The following RASSF8 variants were observed in gnomAD, a reference collection of about 807,000 sequenced individuals.
RASSF8 encodes ras association domain-containing protein 8.
RASSF8 carries 22 observed loss-of-function variants against 48.5 expected under a neutral mutation model. The ratio of observed to expected loss-of-function variants is 0.45; its 90% confidence interval spans 0.32 to 0.65. RASSF8 has a LOEUF of 0.65. RASSF8 is among the 30% of genes least tolerant of loss of function. RASSF8 has a pLI of 0.03. For synonymous variants in RASSF8, 127 were observed against 171.5 expected (o/e 0.74, Z 2.03); for missense variants, 418 against 489.2 (o/e 0.85, Z 1.37).
chr12:25,960,484 A>G (rs1941204634), intron 1 of RASSF8, among the ~76,000 whole-genome samples: 2 of 152,222 alleles, frequency 1.3e-5, no homozygotes, highest in Admixed American at 6.5e-5. Flanking sequence ...GGGCATACTA[A>G]TGGTACTTTT....
At chr12:26,068,394 T>A (rs1943927849) in intron 5 of RASSF8, among the ~76,000 whole-genome samples, 1 of 152,172 alleles carries the variant, frequency 6.6e-6, no homozygotes, top group African/African-American at 2.4e-5. Flanking sequence ...TTATTATTAA[T>A]TTGTGCTGAT....
Position 25,958,879 on chromosome 12 carries a change from C to G in RASSF8, c.-472C>G, listed in dbSNP as rs1440213145. ...GGCGGCTCCCGCGGCGTCTCTGCCGCTGGCCGAGCGCTCGCGCACCGCGGC... is the reference window on the plus strand; with the variant it reads ...GGCGGCTCCCGCGGCGTCTCTGCCGGTGGCCGAGCGCTCGCGCACCGCGGC... On this transcript the variant is annotated 5_prime_UTR_variant, in exon 1 of 6. Transcript: ENST00000689635. 1 of 147,114 alleles carries G rather than the reference C, an allele frequency of 6.8e-6. No homozygotes were observed. The highest frequency in any genetic ancestry group is 1.5e-5 in the Non-Finnish European group (1 of 66,030). 9.1% of individuals were successfully genotyped at this position (147,114 alleles called of 1,614,324 possible).
chr12:26,027,824 C>T (rs529766483), intron 2 of RASSF8, among the ~76,000 whole-genome samples: 16 of 152,282 alleles, frequency 1.1e-4, no homozygotes, highest in African/African-American at 3.9e-4. Context: ...GCATAGAGGA[C>T]TGAGCCAGAA....
chr12:25,993,416 C>T (rs1342322476), intron 1 of RASSF8, among the ~76,000 whole-genome samples: 1 of 152,038 alleles, frequency 6.6e-6, no homozygotes, highest in Admixed American at 6.6e-5. Context: ...CTTGAAAACA[C>T]AACTAAAAAG....
intron 3 of RASSF8, among the ~76,000 whole-genome samples, chr12:26,056,757 C>T (rs951095418): frequency 3.9e-5 from 6 of 152,222 alleles, no homozygotes; most frequent in Non-Finnish European, 7.3e-5. Flanking sequence ...TGGGCTTTCA[C>T]ATCCGGTGAA....
At chr12:26,006,671 A>G (rs1224890193) in intron 2 of RASSF8, among the ~76,000 whole-genome samples, 1 of 152,108 alleles carries the variant, frequency 6.6e-6, no homozygotes. Flanking sequence ...AGTTTAAACC[A>G]TTGCTGTTCC....
At chr12:26,012,470 C>T (rs1942549474) in intron 2 of RASSF8, among the ~76,000 whole-genome samples, 1 of 152,058 alleles carries the variant, frequency 6.6e-6, no homozygotes, top group Admixed American at 6.6e-5. Context: ...TAAACAGCTT[C>T]CTGTGTTTCT....
In RASSF8 at chr12:26,070,033, T is replaced by TG; in HGVS notation, c.*1215_*1216insG. The TG allele has an allele frequency of 1.0e-6, 1 of 982,444 alleles. No homozygotes were observed. The highest frequency in any genetic ancestry group is 1.2e-6 in the Non-Finnish European group (1 of 827,158). The allele number at this position is 982,444 out of a possible 1,614,324, so 60.9% of individuals were successfully genotyped here. A position where few individuals can be genotyped will look rare whatever the true frequency, so the allele number is the denominator to read the frequency against. On this transcript the variant is annotated 3_prime_UTR_variant, in exon 6 of 6. Transcript: ENST00000689635. ...CAACACCTTTTTGATGAGTAGTGAC[T>TG]TAACTAAGATTTACAAGTAATATTT...
At position 26,069,015 on chromosome 12, in the gene RASSF8, A is replaced by G; in HGVS notation, c.*197A>G. ...CAAAGAAACTGTGTTTTCACACATC[A>G]ACAGTGTTGATATTTTTGTCCAGCA... On this transcript the variant is annotated 3_prime_UTR_variant, in exon 6 of 6. Coordinates refer to ENST00000689635, the MANE Select transcript of RASSF8 (RefSeq NM_001394098.1). 7.8e-7 allele frequency: 1 copy of G among 1,287,018 alleles called. No homozygotes were observed. Among genetic ancestry groups the G allele is most frequent in the Non-Finnish European group, 9.9e-7 (1 of 1,014,762 alleles). 79.7% of individuals were successfully genotyped at this position (1,287,018 alleles called of 1,614,324 possible). A position where few individuals can be genotyped will look rare whatever the true frequency, so the allele number is the denominator to read the frequency against.
At chr12:26,060,952 G>T (rs555474560) in intron 3 of RASSF8, among the ~76,000 whole-genome samples, 64 of 152,236 alleles carry the variant, frequency 4.2e-4, no homozygotes, top group African/African-American at 1.5e-3. Context: ...CATCTTTGGG[G>T]TGTGGAGGAT....
chr12:26,074,636 C>T (rs1299599957), downstream of RASSF8, among the ~76,000 whole-genome samples: 1 of 152,098 alleles, frequency 6.6e-6, no homozygotes, highest in Non-Finnish European at 1.5e-5. Context: ...AGCCACTGCA[C>T]CTGGCCGGTT....
rs1449588551 is a variant in RASSF8, at chr12:26,065,133, A to G, written c.739A>G (p.Ile247Val). The G allele has an allele frequency of 6.2e-7, 1 of 1,614,056 alleles. No individual in the cohort carries two copies. Among genetic ancestry groups the G allele is most frequent in the Non-Finnish European group, 8.5e-7 (1 of 1,179,968 alleles). Residue 247 changes from isoleucine (I) to valine (V), a missense_variant, in exon 4 of 6, where the codon ATA becomes GTA. Coordinates refer to ENST00000689635, the MANE Select transcript of RASSF8 (RefSeq NM_001394098.1). The part of the protein sequence containing the change: ...EKQLKDQLQE[I>V]RQKITECENK... The stretch of plus-strand genomic sequence containing the variant: ...ACAGCTGAAGGATCAACTTCAAGAA[A>G]TAAGACAGAAAATAACAGAATGTGA...
At chr12:26,065,445 A>T in intron 4 of RASSF8, 58 bp downstream of exon 4, 1 of 1,494,962 alleles carries the variant, frequency 6.7e-7, no homozygotes, top group Non-Finnish European at 8.9e-7. Flanking sequence ...TCTTCTTGGA[A>T]TCTCCTTTTC....
At chr12:25,967,364 C>T (rs183569537) in intron 1 of RASSF8, among the ~76,000 whole-genome samples, 1 of 152,280 alleles carries the variant, frequency 6.6e-6, no homozygotes, top group East Asian at 1.9e-4. Context: ...TCCCTTTTAA[C>T]TAATCTCAAA....
rs545667930 is a variant in RASSF8 at position 26,049,604 on chromosome 12, G to A, written c.-108-5632G>A. Among the ~76,000 whole-genome samples, 5 of 152,310 alleles carry A rather than the reference G, an allele frequency of 3.3e-5. No homozygotes were observed. The South Asian group carries it at 1.0e-3, about 32-fold the overall frequency. ...GAAGTCTCTACTTCAAAGTCATAGAGCTTTAACATTGTATATGGTCGAAAA... is the reference window on the plus strand; with the variant it reads ...GAAGTCTCTACTTCAAAGTCATAGAACTTTAACATTGTATATGGTCGAAAA... On this transcript the variant is annotated intron_variant, in intron 2 of 5. Transcript: ENST00000689635.
intron 2 of RASSF8, among the ~76,000 whole-genome samples, chr12:26,041,624 CATAA>C (rs919138428): frequency 5.9e-5 from 9 of 151,938 alleles, no homozygotes; most frequent in African/African-American, 9.7e-5. Context: ...TATCTACATA[CATAA>C]ATATATATAT....
chr12:25,992,990 A>T (rs577423423), intron 1 of RASSF8, among the ~76,000 whole-genome samples: 1 of 152,316 alleles, frequency 6.6e-6, no homozygotes, highest in African/African-American at 2.4e-5. Context: ...CCTGGTGAAG[A>T]GTGAACAATG....
chr12:26,049,805 A>G (rs1018915316), intron 2 of RASSF8, among the ~76,000 whole-genome samples: 2 of 152,134 alleles, frequency 1.3e-5, no homozygotes, highest in African/African-American at 4.8e-5. Context: ...GTTTTTTGAG[A>G]CGGAGTCTCG....
chr12:26,066,568 T>C (rs1431846169), intron 4 of RASSF8, among the ~76,000 whole-genome samples: 1 of 152,214 alleles, frequency 6.6e-6, no homozygotes, highest in Non-Finnish European at 1.5e-5. Context: ...GGGATTCATT[T>C]TGACATTTAA....
Sources: gnomAD v4.1 joint callset for allele counts (sites outside exome capture counted in the v4.1 genomes callset) on GRCh38, gnomAD v4.1.1 for gene constraint, MANE v1.5 for transcripts, NCBI Gene and HGNC (gene_info 2026-07-23, HGNC 2026-07-21) for gene names.